GABARAPL2: variants seen among roughly 807,000 people sequenced by gnomAD.
GABARAPL2 encodes gamma-aminobutyric acid receptor-associated protein-like 2.
In GABARAPL2, 11 loss-of-function variants were observed where a neutral mutation model predicts 16.9. The observed-to-expected ratio is 0.65, with a 90% CI of 0.41 to 1.08. The LOEUF (loss-of-function observed/expected upper bound fraction) is 1.08, where lower values mean the gene tolerates loss of function less well. GABARAPL2 is among the 50% of genes least tolerant of loss of function. The pLI is 0.00. For missense variants in GABARAPL2, 134 were observed against 142.5 expected, an observed-to-expected ratio of 0.94 and a Z score of 0.30; for synonymous variants, 57 against 50.7, an observed-to-expected ratio of 1.12 and a Z score of -0.53.
chr16:75,570,856 G>A (rs1054058628), intron 3 of GABARAPL2, among the ~76,000 whole-genome samples: 1 of 152,126 alleles, frequency 6.6e-6, no homozygotes, highest in African/African-American at 2.4e-5. Context: ...CCAGCATCAA[G>A]AATCAGGCCA....
intron 3 of GABARAPL2, chr16:75,575,836 ATATTT>A (rs1384066007): frequency 6.6e-6 from 1 of 152,168 alleles, no homozygotes; most frequent in African/African-American, 2.4e-5. Context: ...TCCACTTAAT[ATATTT>A]TATTTGACCC....
chr16:75,577,112 TA>T lies in GABARAPL2; in HGVS notation c.264-166del, dbSNP rs1597062054. On this transcript the variant is annotated intron_variant, in intron 3 of 3. Transcript: ENST00000037243. ...GGCTTTGCCTTCTGCAGACTTCATT[TA>T]TTTTAATCTTTTTATGGCTCCTTTC... 2.3e-5 allele frequency: 13 copies of T among 558,130 alleles called. No individual in the cohort carries two copies. The East Asian group carries it at 3.8e-4, about 16-fold the overall frequency. The allele number at this position is 558,130 out of a possible 1,614,324, so 34.6% of individuals were successfully genotyped here. A position where few individuals can be genotyped will look rare whatever the true frequency, so the allele number is the denominator to read the frequency against.
At chr16:75,566,648 C>T (rs533472069) in intron 1 of GABARAPL2, 128 bp downstream of exon 1, 2 of 1,121,058 alleles carry the variant, frequency 1.8e-6, no homozygotes, top group East Asian at 2.5e-5. Context: ...GTCGCCCATG[C>T]CCTGGTGCCT....
At chr16:75,568,670 C>T (rs569351405) in intron 3 of GABARAPL2, among the ~76,000 whole-genome samples, 5 of 152,310 alleles carry the variant, frequency 3.3e-5, no homozygotes, top group Non-Finnish European at 7.3e-5. Flanking sequence ...GCTGCCTGAT[C>T]CTCAAGTCTG....
chr16:75,567,049 G>T lies in GABARAPL2; in HGVS notation c.90+142G>T, dbSNP rs550330104. 5.5e-5 allele frequency: 40 copies of T among 726,420 alleles called. 1 individual carries two copies. In the East Asian group the frequency reaches 9.6e-4, roughly 17 times the overall value. 45.0% of individuals were successfully genotyped at this position (726,420 alleles called of 1,614,324 possible). A position where few individuals can be genotyped will look rare whatever the true frequency, so the allele number is the denominator to read the frequency against. The stretch of plus-strand genomic sequence containing the variant: ...TGACGGGCCAGACCGGGATGAGGCC[G>T]CCCAGGGCCGGGGCGTGAGGGGCTC... On this transcript the variant is annotated intron_variant, in intron 2 of 3. Transcript: ENST00000037243.
At chr16:75,571,152 T>C (rs1444279911) in intron 3 of GABARAPL2, among the ~76,000 whole-genome samples, 1 of 152,210 alleles carries the variant, frequency 6.6e-6, no homozygotes, top group Non-Finnish European at 1.5e-5. Context: ...CAGTCATAGC[T>C]CACTGCAGCC....
chr16:75,576,020 C>G (rs1251205043), intron 3 of GABARAPL2: 1 of 152,218 alleles, frequency 6.6e-6, no homozygotes, highest in African/African-American at 2.4e-5. Flanking sequence ...GGCAGTGATA[C>G]AGGACATTTC....
At chr16:75,566,576 C>T in intron 1 of GABARAPL2, 56 bp downstream of exon 1, 2 of 1,587,084 alleles carry the variant, frequency 1.3e-6, no homozygotes, top group Non-Finnish European at 1.7e-6. Flanking sequence ...GGTGGGCCCC[C>T]TCCCCCACTC....
chr16:75,571,491 C>T (rs2080914231), intron 3 of GABARAPL2, among the ~76,000 whole-genome samples: 1 of 152,138 alleles, frequency 6.6e-6, no homozygotes, highest in Non-Finnish European at 1.5e-5. Context: ...AGAATCCACC[C>T]TAAAGCAGAT....
rs1343820155 is a variant in GABARAPL2, at chr16:75,577,379, C to G, written c.*10C>G. ...CACTTTTGGCTTCTGAGGGCCATTG[C>G]TGGGCTAGGTGCACCGTAACTGCTT... On this transcript the variant is annotated 3_prime_UTR_variant, in exon 4 of 4. Coordinates refer to ENST00000037243, the MANE Select transcript of GABARAPL2 (RefSeq NM_007285.7). 1.3e-6 allele frequency: 2 copies of G among 1,527,244 alleles called. No homozygotes were observed. The highest frequency in any genetic ancestry group is 1.8e-6 in the Non-Finnish European group (2 of 1,100,654). The allele number at this position is 1,527,244 out of a possible 1,614,324, so 94.6% of individuals were successfully genotyped here. A position where few individuals can be genotyped will look rare whatever the true frequency, so the allele number is the denominator to read the frequency against.
chr16:75,566,703 CTGGGAGCTAGTA>C (rs2080885183), intron 1 of GABARAPL2, 137 bp from the exon 2 acceptor site: 3 of 971,532 alleles, frequency 3.1e-6, no homozygotes, highest in Non-Finnish European at 4.7e-6. Context: ...GCGGGCCTTG[CTGGGAGCTAGTA>C]GGGGACAGGA....
chr16:75,567,160 A>G (rs1174246000), intron 2 of GABARAPL2, among the ~76,000 whole-genome samples: 2 of 152,224 alleles, frequency 1.3e-5, no homozygotes, highest in African/African-American at 2.4e-5. Context: ...TCCCTGGCCA[A>G]TTATGTAAGG....
intron 3 of GABARAPL2, chr16:75,575,536 G>A (rs113120187): frequency 0.24 from 35,858 of 152,178 alleles, 4,914 homozygotes; most frequent in African/African-American, 0.38. Flanking sequence ...TGCAAGCTCC[G>A]CCTCCCAGGC....
In GABARAPL2 at chr16:75,577,383, G is replaced by A. The variant is rs1314446234; in HGVS notation, c.*14G>A. ...TTTGGCTTCTGAGGGCCATTGCTGG[G>A]CTAGGTGCACCGTAACTGCTTGTGT... On this transcript the variant is annotated 3_prime_UTR_variant, in exon 4 of 4. Transcript: ENST00000037243. The A allele has an allele frequency of 6.7e-7, 1 of 1,501,694 alleles. No homozygotes were observed. Among genetic ancestry groups the A allele is most frequent in the Non-Finnish European group, 9.3e-7 (1 of 1,077,398 alleles). 93.0% of individuals were successfully genotyped at this position (1,501,694 alleles called of 1,614,324 possible). A position where few individuals can be genotyped will look rare whatever the true frequency, so the allele number is the denominator to read the frequency against.
Position 75,577,423 on chromosome 16 carries a change from C to T in GABARAPL2, c.*54C>T, listed in dbSNP as rs1025703582. 5 of 995,556 alleles carry T rather than the reference C, an allele frequency of 5.0e-6. No individual in the cohort carries two copies. The highest frequency in any genetic ancestry group is 3.8e-5 in the South Asian group (3 of 78,556). 61.7% of individuals were successfully genotyped at this position (995,556 alleles called of 1,614,324 possible). A position where few individuals can be genotyped will look rare whatever the true frequency, so the allele number is the denominator to read the frequency against. On this transcript the variant is annotated 3_prime_UTR_variant, in exon 4 of 4. Transcript: ENST00000037243. ...ACTGCTTGTGTATCTTGTAAATAGC[C>T]AGCCATTTTCAGTTATTATACCAGA...
intron 1 of GABARAPL2, 52 bp from the exon 2 acceptor site, chr16:75,566,800 G>A (rs2080886068): frequency 6.5e-7 from 1 of 1,548,822 alleles, no homozygotes. Flanking sequence ...CGGGGGCCGG[G>A]AACCGACCGG....
intron 3 of GABARAPL2, 95 bp downstream of exon 3, chr16:75,568,304 G>A (rs768419811): frequency 6.2e-6 from 5 of 805,446 alleles, no homozygotes; most frequent in Non-Finnish European, 9.9e-6. Context: ...AACTCTTAGG[G>A]GTCCTGACTA....
At chr16:75,571,449 C>G (rs1199477046) in intron 3 of GABARAPL2, among the ~76,000 whole-genome samples, 2 of 152,212 alleles carry the variant, frequency 1.3e-5, no homozygotes, top group African/African-American at 4.8e-5. Flanking sequence ...GCCATTTTCT[C>G]TCCAAGTCCC....
rs2080882304 is a variant in GABARAPL2, at chr16:75,566,421, T to C, written c.-66T>C. On this transcript the variant is annotated 5_prime_UTR_variant, in exon 1 of 4. Transcript: ENST00000037243. The stretch of plus-strand genomic sequence containing the variant: ...CCGCTGCCGCTGCCGCCGTCGTTGT[T>C]GTTGTGCTCGGTGCGCTGAGCTCCG... 1.6e-6 allele frequency: 2 copies of C among 1,232,200 alleles called. No individual in the cohort carries two copies. The highest frequency in any genetic ancestry group is 2.3e-6 in the Non-Finnish European group (2 of 852,778). The allele number at this position is 1,232,200 out of a possible 1,614,324, so 76.3% of individuals were successfully genotyped here. A position where few individuals can be genotyped will look rare whatever the true frequency, so the allele number is the denominator to read the frequency against.
Sources: gnomAD v4.1 joint callset for allele counts (sites outside exome capture counted in the v4.1 genomes callset) on GRCh38, gnomAD v4.1.1 for gene constraint, MANE v1.5 for transcripts, NCBI Gene and HGNC (gene_info 2026-07-23, HGNC 2026-07-21) for gene names.